The following FOXJ3 variants were observed in gnomAD, a reference collection of about 807,000 sequenced individuals.
The protein encoded by FOXJ3 is forkhead box protein J3.
Under a neutral mutation model 76.1 loss-of-function variants are expected in FOXJ3, and 22 were observed. The ratio of observed to expected loss-of-function variants is 0.29; its 90% CI spans 0.21 to 0.41. FOXJ3 has a LOEUF of 0.41. Ranked by LOEUF, FOXJ3 falls within the 10% of genes least tolerant of loss-of-function variation. FOXJ3 has a pLI of 1.00. For missense variants in FOXJ3, 613 were observed against 762.1 expected, an observed-to-expected ratio of 0.80 and a Z score of 2.30; for synonymous variants, 269 against 261.2, an observed-to-expected ratio of 1.03 and a Z score of -0.29.
chr1:42,187,512 G>C (rs1189030820), intron 11 of FOXJ3, among the ~76,000 whole-genome samples: 1 of 152,154 alleles, frequency 6.6e-6, no homozygotes, highest in African/African-American at 2.4e-5. Flanking sequence ...TATGGGCTTA[G>C]AACCCATGAG....
At chr1:42,230,466 G>A (rs953094885) in intron 4 of FOXJ3, among the ~76,000 whole-genome samples, 4 of 152,128 alleles carry the variant, frequency 2.6e-5, no homozygotes, top group African/African-American at 9.7e-5. Context: ...TCCTGTGGAT[G>A]GGACCCAAGT....
chr1:42,208,747 T>G (rs1646908411), intron 5 of FOXJ3, among the ~76,000 whole-genome samples: 1 of 152,148 alleles, frequency 6.6e-6, no homozygotes, highest in Non-Finnish European at 1.5e-5. Flanking sequence ...TGGGGTTACG[T>G]CCCAATAAAC....
At chr1:42,309,328 C>A (rs963488562) in intron 2 of FOXJ3, among the ~76,000 whole-genome samples, 28 of 152,300 alleles carry the variant, frequency 1.8e-4, no homozygotes, top group African/African-American at 6.0e-4. Flanking sequence ...CTTGGACCTT[C>A]CTGCACTCCC....
In FOXJ3 at chr1:42,311,234, TA is replaced by T. The variant is rs1298196631; in HGVS notation, c.-17-125del. 3.5e-5 allele frequency: 22 copies of T among 629,278 alleles called. No homozygotes were observed. The East Asian group carries it at 3.6e-4, about 10-fold the overall frequency. 39.0% of individuals were successfully genotyped at this position (629,278 alleles called of 1,614,324 possible). A position where few individuals can be genotyped will look rare whatever the true frequency, so the allele number is the denominator to read the frequency against. On this transcript the variant is annotated intron_variant, in intron 1 of 12. Transcript: ENST00000361346. ...AGAATGTTCTACTAAAGAATTCTAC[TA>T]AAAGAATCACCCCATCAGAACACAA...
At chr1:42,223,467 GTCT>G (rs1255912244) in intron 5 of FOXJ3, among the ~76,000 whole-genome samples, 1 of 152,080 alleles carries the variant, frequency 6.6e-6, no homozygotes, top group Non-Finnish European at 1.5e-5. Context: ...AATTTAAACG[GTCT>G]TCAATTATGC....
At chr1:42,184,206 GTC>G (rs1232183728) in intron 11 of FOXJ3, among the ~76,000 whole-genome samples, 6 of 152,024 alleles carry the variant, frequency 3.9e-5, no homozygotes, top group Non-Finnish European at 7.4e-5. Context: ...CAACTTCCCT[GTC>G]TCTGTCCTTC....
chr1:42,216,271 C>A (rs1448518568), intron 5 of FOXJ3, among the ~76,000 whole-genome samples: 1 of 152,006 alleles, frequency 6.6e-6, no homozygotes, highest in African/African-American at 2.4e-5. Context: ...GTAATCCCAG[C>A]ACTTTGGGAG....
intron 3 of FOXJ3, among the ~76,000 whole-genome samples, chr1:42,277,305 A>C (rs1040980780): frequency 3.3e-5 from 5 of 151,806 alleles, no homozygotes; most frequent in African/African-American, 1.2e-4. Flanking sequence ...TTAGCTGGCC[A>C]TGGTGGCGTG....
At chr1:42,249,330 C>G (rs933889943) in intron 4 of FOXJ3, among the ~76,000 whole-genome samples, 4 of 152,176 alleles carry the variant, frequency 2.6e-5, no homozygotes, top group African/African-American at 9.7e-5. Context: ...TGGCTCTCCT[C>G]TGGACCATGT....
In FOXJ3 at chr1:42,300,822, G is replaced by A. The variant is rs781625668; in HGVS notation, c.44+10228C>T. ...GGCTGGTAATTTTTTCTTTAAGGCC[G>A]CTAAAAATAGGCCCCCAATCTCTTC... On this transcript the variant is annotated intron_variant, in intron 2 of 12. Coordinates refer to ENST00000361346, the MANE Select transcript of FOXJ3 (RefSeq NM_014947.5). Among the ~76,000 whole-genome samples the A allele has an allele frequency of 3.9e-5, 6 of 152,114 alleles. No homozygotes were observed. The South Asian group carries it at 6.2e-4, about 16-fold the overall frequency.
chr1:42,205,557 C>T (rs1236115507), intron 6 of FOXJ3, among the ~76,000 whole-genome samples: 2 of 152,124 alleles, frequency 1.3e-5, no homozygotes, highest in Non-Finnish European at 2.9e-5. Context: ...CGGTAAGGAC[C>T]TTCCAATCTC....
rs545523658 is a variant in FOXJ3, at chr1:42,188,923, T to G, written c.1459A>C (p.Met487Leu). ...DVDLSQFQGL[M>L]ESMRQADLKN... ...AGATCTGCCTGTCTCATACTCTCCA[T>G]CAGACCTATGAGGAAAGCATTAAAA... The change falls in exon 11 of 13, where the codon ATG becomes CTG. Residue 487 changes from methionine (M) to leucine (L), a missense_variant. Physicochemically the swap from Met to Leu is conservative, Grantham distance 15. Transcript: ENST00000361346. The G allele has an allele frequency of 2.5e-6, 4 of 1,593,766 alleles. No individual in the cohort carries two copies. The South Asian group carries it at 4.5e-5, about 18-fold the overall frequency.
At chr1:42,292,044 G>A (rs1653471421) in intron 2 of FOXJ3, among the ~76,000 whole-genome samples, 1 of 151,816 alleles carries the variant, frequency 6.6e-6, no homozygotes, top group African/African-American at 2.4e-5. Flanking sequence ...GAGGAGGGGG[G>A]TGCAAGGCCA....
At position 42,245,071 on chromosome 1, in the gene FOXJ3, T is replaced by G. The variant is rs1649437987; in HGVS notation, c.445-17105A>C. Among the ~76,000 whole-genome samples the G allele has an allele frequency of 2.7e-5, 4 of 150,460 alleles. No individual in the cohort carries two copies. The South Asian group carries it at 8.4e-4, about 32-fold the overall frequency. Reference sequence around the variant, plus strand: ...GGCGTGCGCCTGTAATCCCAGCTACTCAGAAGGTTGAGGCAGGAGAATCGC... The same window carrying G: ...GGCGTGCGCCTGTAATCCCAGCTACGCAGAAGGTTGAGGCAGGAGAATCGC... On this transcript the variant is annotated intron_variant, in intron 4 of 12. Coordinates refer to ENST00000361346, the MANE Select transcript of FOXJ3 (RefSeq NM_014947.5).
At chr1:42,244,381 T>C (rs116381940) in intron 4 of FOXJ3, among the ~76,000 whole-genome samples, 1,787 of 152,266 alleles carry the variant, frequency 0.012, 22 homozygotes, top group African/African-American at 0.04. Context: ...CCTGGCATGG[T>C]GACATCTGCC....
Position 42,199,441 on chromosome 1 carries a change from A to C in FOXJ3, c.631-211T>G, listed in dbSNP as rs1384739874. Among the ~76,000 whole-genome samples the C allele has an allele frequency of 2.0e-5, 3 of 152,174 alleles. No individual in the cohort carries two copies. The East Asian group carries it at 5.8e-4, about 29-fold the overall frequency. ...ACTCAAACTAAAGGACATGTCTTTC[A>C]GAGGTATAGAAATTTAATTTATAGC... On this transcript the variant is annotated intron_variant, in intron 6 of 12. Coordinates refer to ENST00000361346, the MANE Select transcript of FOXJ3 (RefSeq NM_014947.5).
chr1:42,286,766 T>C (rs1653083120), intron 2 of FOXJ3, among the ~76,000 whole-genome samples: 2 of 152,032 alleles, frequency 1.3e-5, no homozygotes, highest in African/African-American at 4.8e-5. Context: ...CCCGAGTAGC[T>C]GGGATTACAG....
At chr1:42,210,608 C>T (rs760029904) in intron 5 of FOXJ3, among the ~76,000 whole-genome samples, 12 of 152,178 alleles carry the variant, frequency 7.9e-5, no homozygotes, top group Non-Finnish European at 1.3e-4. Context: ...AGTCTGTCCA[C>T]GTGCCCAGTA....
At position 42,227,892 on chromosome 1, in the gene FOXJ3, A is replaced by G. The variant is rs1343822306; in HGVS notation, c.519T>C (p.Ser173=). The change falls in exon 5 of 13, where the codon TCT becomes TCC. Residue 173 remains serine (S), a synonymous_variant. Transcript: ENST00000361346. ...LPTRPKKRAR[S]VERASTPYSI... ...GATAAAGAGCCTTTACCCGTTCTACAGATCGTGCCCTCTTCTTTGGCCGAG... is the reference window on the plus strand; with the variant it reads ...GATAAAGAGCCTTTACCCGTTCTACGGATCGTGCCCTCTTCTTTGGCCGAG... The G allele has an allele frequency of 1.3e-6, 2 of 1,561,760 alleles. No homozygotes were observed. The highest frequency in any genetic ancestry group is 3.4e-5 in the Admixed American group (2 of 58,918).
Sources: gnomAD v4.1 joint callset for allele counts (sites outside exome capture counted in the v4.1 genomes callset) on GRCh38, gnomAD v4.1.1 for gene constraint, MANE v1.5 for transcripts, NCBI Gene and HGNC (gene_info 2026-07-23, HGNC 2026-07-21) for gene names.